PLPP3: variants seen among roughly 807,000 people sequenced by gnomAD.
PLPP3 encodes PAP2 beta.
In PLPP3, 6 loss-of-function variants were observed where a neutral mutation model predicts 29.6. The ratio of observed to expected loss-of-function variants is 0.20; its 90% CI spans 0.11 to 0.40. PLPP3 has a LOEUF of 0.40. Among genes scored for constraint, PLPP3 ranks in the 10% least tolerant of loss-of-function variants. The pLI is 1.00. For synonymous variants in PLPP3, 152 were observed against 159.7 expected, an observed-to-expected ratio of 0.95 and a Z score of 0.36; for missense variants, 308 against 407.7, an observed-to-expected ratio of 0.76 and a Z score of 2.11.
rs912041566 is a variant in PLPP3, at chr1:56,524,003, C to A, written c.576-123G>T. 1.1e-5 allele frequency: 13 copies of A among 1,184,562 alleles called. No individual in the cohort carries two copies. The African/African-American group carries it at 1.4e-4, about 13-fold the overall frequency. 73.4% of individuals were successfully genotyped at this position (1,184,562 alleles called of 1,614,324 possible). A position where few individuals can be genotyped will look rare whatever the true frequency, so the allele number is the denominator to read the frequency against. On this transcript the variant is annotated intron_variant, in intron 3 of 5. Transcript: ENST00000371250. This position sits in a 1 kb window ranked among gnomAD's most constrained non-coding sequence, Gnocchi z 4.3. ...AGGCACTAGGCCCTGTTCATTTTTG[C>A]ATCCTTGGTAGTGCTTTGGACCCAT... is the stretch of plus-strand genomic sequence containing the variant.
chr1:56,520,116 C>T (rs1253484012), intron 4 of PLPP3, among the ~76,000 whole-genome samples: 2 of 152,180 alleles, frequency 1.3e-5, no homozygotes, highest in Admixed American at 1.3e-4. Context: ...CATCTCATCC[C>T]ACTCTTTCAT....
intron 2 of PLPP3, among the ~76,000 whole-genome samples, chr1:56,527,826 C>G (rs993292860): frequency 1.3e-5 from 2 of 152,166 alleles, no homozygotes; most frequent in Non-Finnish European, 2.9e-5. Flanking sequence ...AATACCTCAC[C>G]TCTACAGACG....
At chr1:56,552,824 AAT>A (rs994247398) in intron 1 of PLPP3, among the ~76,000 whole-genome samples, 4 of 152,176 alleles carry the variant, frequency 2.6e-5, no homozygotes, top group African/African-American at 7.2e-5. Flanking sequence ...TACAGGAGAA[AAT>A]ATGTGCCTCA....
At chr1:56,565,230 C>A (rs1023272104) in intron 1 of PLPP3, among the ~76,000 whole-genome samples, 7 of 152,140 alleles carry the variant, frequency 4.6e-5, no homozygotes, top group African/African-American at 1.4e-4. Flanking sequence ...GGTAGAAGTT[C>A]CATGTACTGC....
At chr1:56,544,715 G>A (rs1645993858) in intron 1 of PLPP3, among the ~76,000 whole-genome samples, 1 of 152,194 alleles carries the variant, frequency 6.6e-6, no homozygotes, top group Non-Finnish European at 1.5e-5. Flanking sequence ...GGACCAGTTA[G>A]CCTTTATTGC....
intron 4 of PLPP3, among the ~76,000 whole-genome samples, chr1:56,516,240 G>C (rs1015449367): frequency 6.6e-6 from 1 of 152,134 alleles, no homozygotes; most frequent in African/African-American, 2.4e-5. Flanking sequence ...GATTTTGCCA[G>C]TGTAGAACCC....
intron 1 of PLPP3, among the ~76,000 whole-genome samples, chr1:56,558,776 C>G (rs1777281): frequency 0.84 from 127,391 of 152,150 alleles, 53,908 homozygotes; most frequent in Non-Finnish European, 0.9. Context: ...GACATATCCT[C>G]TTTCCACTGT....
intron 1 of PLPP3, among the ~76,000 whole-genome samples, chr1:56,560,019 G>A (rs567996502): frequency 1.2e-4 from 18 of 152,294 alleles, no homozygotes; most frequent in African/African-American, 3.6e-4. Context: ...CCAAACAACC[G>A]TGATGTTACC....
intron 1 of PLPP3, among the ~76,000 whole-genome samples, chr1:56,540,033 T>C (rs1237881599): frequency 6.6e-6 from 1 of 152,084 alleles, no homozygotes; most frequent in African/African-American, 2.4e-5. Flanking sequence ...CTGTAAAACA[T>C]ATGTTTCTAT....
intron 1 of PLPP3, among the ~76,000 whole-genome samples, chr1:56,565,943 C>T (rs550810008): frequency 6.6e-6 from 1 of 152,296 alleles, no homozygotes; most frequent in South Asian, 2.1e-4. Flanking sequence ...AATCCAAGCA[C>T]AAAAAGTGTC....
chr1:56,521,680 G>A (rs1025323777), intron 4 of PLPP3, among the ~76,000 whole-genome samples: 3 of 152,004 alleles, frequency 2.0e-5, no homozygotes, highest in African/African-American at 7.2e-5. Context: ...GAGATTACAG[G>A]TATAAGCCAC....
At chr1:56,512,191 C>T in intron 4 of PLPP3, 39 bp from the exon 5 acceptor site, 1 of 1,513,308 alleles carries the variant, frequency 6.6e-7, no homozygotes, top group Non-Finnish European at 8.8e-7. Flanking sequence ...CATTAAGTGA[C>T]TCCCCACTCA....
In PLPP3 at chr1:56,524,254, G is replaced by A. The variant is rs1323529960; in HGVS notation, c.575+23C>T. 1.2e-6 allele frequency: 2 copies of A among 1,611,888 alleles called. No homozygotes were observed. Among genetic ancestry groups the A allele is most frequent in the Non-Finnish European group, 1.7e-6 (2 of 1,179,328 alleles). On this transcript the variant is annotated intron_variant, in intron 3 of 5. Coordinates refer to ENST00000371250, the MANE Select transcript of PLPP3 (RefSeq NM_003713.5). The surrounding 1 kb of genome is among the most constrained non-coding windows in gnomAD (Gnocchi z 4.3). ...CTGTATGAAAGGGGTCCAGGCTCTG[G>A]CCATGCGGAGGTGGTGTCTCACCTG... is the stretch of plus-strand genomic sequence containing the variant.
chr1:56,539,901 G>A (rs1195729944), intron 1 of PLPP3, among the ~76,000 whole-genome samples: 1 of 152,120 alleles, frequency 6.6e-6, no homozygotes, highest in African/African-American at 2.4e-5. Context: ...CAGTTGCTCT[G>A]GTGCCTAGGA....
Position 56,496,384 on chromosome 1 carries a change from A to C in PLPP3, c.*167T>G. The C allele has an allele frequency of 2.8e-6, 2 of 720,958 alleles. No homozygotes were observed. Among genetic ancestry groups the C allele is most frequent in the South Asian group, 3.8e-5 (2 of 52,244 alleles). The allele number at this position is 720,958 out of a possible 1,614,324, so 44.7% of individuals were successfully genotyped here. On this transcript the variant is annotated 3_prime_UTR_variant, in exon 6 of 6. Transcript: ENST00000371250. ...TGCTGTTGTTTCCACATAGGCAAAC[A>C]CTACCTATTTTGGAAGGCCACATAG... is the stretch of plus-strand genomic sequence containing the variant.
rs186289233 is a variant in PLPP3, at chr1:56,495,020, G to T, written c.*1531C>A. On this transcript the variant is annotated 3_prime_UTR_variant, in exon 6 of 6. Transcript: ENST00000371250. Reference sequence around the variant, plus strand: ...AAAAATTAACTCAATGCTTTTTTAAGCAGCTAATGTAAATAACACAGGTCG... The same window carrying T: ...AAAAATTAACTCAATGCTTTTTTAATCAGCTAATGTAAATAACACAGGTCG... The T allele has an allele frequency of 1.9e-3, 283 of 152,628 alleles. 6 individuals are homozygous for T. The highest frequency in any genetic ancestry group is 2.1e-3 in the East Asian group (11 of 5,190). The allele number at this position is 152,628 out of a possible 1,614,324, so 9.5% of individuals were successfully genotyped here. A position where few individuals can be genotyped will look rare whatever the true frequency, so the allele number is the denominator to read the frequency against.
At chr1:56,539,665 G>A (rs371269217) in intron 1 of PLPP3, among the ~76,000 whole-genome samples, 2 of 152,168 alleles carry the variant, frequency 1.3e-5, no homozygotes, top group African/African-American at 2.4e-5. Context: ...TGGAGGAGAG[G>A]GGGGCAGGGA....
intron 1 of PLPP3, among the ~76,000 whole-genome samples, chr1:56,552,679 G>A (rs1328821018): frequency 6.6e-6 from 1 of 152,148 alleles, no homozygotes; most frequent in Non-Finnish European, 1.5e-5. Context: ...TTTCTCATCA[G>A]CCTAGTTGGG....
At chr1:56,570,653 C>T (rs112482394) in intron 1 of PLPP3, among the ~76,000 whole-genome samples, 152 of 152,280 alleles carry the variant, frequency 1.0e-3, no homozygotes, top group African/African-American at 3.5e-3. Flanking sequence ...ACTGACAATG[C>T]GTGACCTTGA....
Sources: allele counts gnomAD v4.1 joint callset (sites outside exome capture counted in the v4.1 genomes callset), GRCh38; gene constraint gnomAD v4.1.1; non-coding constraint Gnocchi (gnomAD v3.1); transcripts MANE v1.5; gene names NCBI Gene and HGNC (gene_info 2026-07-23, HGNC 2026-07-21).